Variants in C11orf24 observed in about 807,000 individuals in gnomAD.
The protein encoded by C11orf24 is chromosome 11 open reading frame 24, also known as uncharacterized protein C11orf24.
In C11orf24, 5 loss-of-function variants were observed where a neutral mutation model predicts 7.3. That is an observed-to-expected ratio of 0.69 (90% CI 0.36 to 1.45). The LOEUF is 1.45. C11orf24 is among the 40% of genes most tolerant of loss of function. C11orf24 has a pLI of 0.03. For synonymous variants in C11orf24, 233 were observed against 235.7 expected (o/e 0.99, Z 0.11); for missense variants, 566 against 590.5 (o/e 0.96, Z 0.43).
Position 68,262,252 on chromosome 11 carries a change from G to A in C11orf24, c.743C>T (p.Pro248Leu). 1 of 1,613,360 alleles carries A rather than the reference G, an allele frequency of 6.2e-7. No individual in the cohort carries two copies. Among genetic ancestry groups the A allele is most frequent in the Non-Finnish European group, 8.5e-7 (1 of 1,179,364 alleles). The change falls in exon 4 of 4, where the codon CCT becomes CTT. Residue 248 changes from proline to leucine, a missense_variant. Coordinates refer to ENST00000304271, the MANE Select transcript of C11orf24 (RefSeq NM_022338.4). ...GGGACCTTGTGCTTGGGGACGCATA[G>A]GGGGTACAGGGCTTGCCGCGGTGTC... ...PSDTAASPVP[P>L]MRPQAQGPIS...
intron 3 of C11orf24, 50 bp downstream of exon 3, chr11:68,263,642 T>G: frequency 6.4e-7 from 1 of 1,552,802 alleles, no homozygotes; most frequent in Non-Finnish European, 8.9e-7. Flanking sequence ...CTCAGCATGC[T>G]TTGTGGCCAC....
chr11:68,262,991 G>C, intron 3 of C11orf24, 73 bp from the exon 4 acceptor site: 1 of 1,460,286 alleles, frequency 6.8e-7, no homozygotes, highest in South Asian at 1.3e-5. Flanking sequence ...CTCAGGGATC[G>C]GCTTCCACCC....
intron 1 of C11orf24, among the ~76,000 whole-genome samples, chr11:68,271,302 G>A (rs1027235475): frequency 3.9e-5 from 6 of 152,112 alleles, no homozygotes; most frequent in African/African-American, 7.2e-5. Flanking sequence ...GCAGCCACAC[G>A]GGGGCTACTA....
chr11:68,261,631 G>C lies in C11orf24; in HGVS notation c.*14C>G. On this transcript the variant is annotated 3_prime_UTR_variant, in exon 4 of 4. Transcript: ENST00000304271. Reference sequence around the variant, plus strand: ...GAGGAAGGGGCCAGGCCTCCCGCCAGGCCCCCGCCCCCCTCACATTTCTGA... The same window carrying C: ...GAGGAAGGGGCCAGGCCTCCCGCCACGCCCCCGCCCCCCTCACATTTCTGA... 6.3e-7 allele frequency: 1 copy of C among 1,590,700 alleles called. No homozygotes were observed. Among genetic ancestry groups the C allele is most frequent in the Non-Finnish European group, 8.6e-7 (1 of 1,163,440 alleles).
intron 2 of C11orf24, among the ~76,000 whole-genome samples, chr11:68,265,226 C>T (rs921345729): frequency 2.6e-5 from 4 of 152,072 alleles, no homozygotes; most frequent in African/African-American, 7.2e-5. Context: ...AGCCATGTGG[C>T]AGTTTAGATT....
At position 68,261,785 on chromosome 11, in the gene C11orf24, C is replaced by T. The variant is rs780660238; in HGVS notation, c.1210G>A (p.Val404Met). 1 of 1,614,208 alleles carries T rather than the reference C, an allele frequency of 6.2e-7. No homozygotes were observed. The highest frequency in any genetic ancestry group is 1.3e-5 in the African/African-American group (1 of 75,052). The change falls in exon 4 of 4, where the codon GTG becomes ATG. Residue 404 changes from valine (V) to methionine (M), a missense_variant. By Grantham distance (21) the Val-to-Met change is conservative (BLOSUM62 1). Transcript: ENST00000304271. ...QAVVDKTLLL[V>M]VLLLGVTLFI... ...AGGGTCACCCCGAGTAACAGCACCA[C>T]CAGAAGGAGAGTTTTGTCTACCACG...
At chr11:68,266,531 T>G (rs938894810) in intron 2 of C11orf24, among the ~76,000 whole-genome samples, 3 of 152,190 alleles carry the variant, frequency 2.0e-5, no homozygotes, top group Non-Finnish European at 4.4e-5. Flanking sequence ...CCTAATGTGT[T>G]AGGGGCTTAG....
In C11orf24 at chr11:68,263,804, C is replaced by T. The variant is rs754280617; in HGVS notation, c.-37G>A. 3.0e-5 allele frequency: 47 copies of T among 1,563,476 alleles called. No homozygotes were observed. The highest frequency in any genetic ancestry group is 5.4e-5 in the Admixed American group (3 of 55,766). ...GCTGGGAGCAAGGCTGGGCGGTCCC[C>T]GAGGCTCCCAGCCAGCCAGCTCCTC... On this transcript the variant is annotated 5_prime_UTR_variant, in exon 3 of 4. Coordinates refer to ENST00000304271, the MANE Select transcript of C11orf24 (RefSeq NM_022338.4).
In C11orf24 at chr11:68,263,604, C is replaced by T; in HGVS notation, c.76+88G>A. 3 of 1,294,422 alleles carry T rather than the reference C, an allele frequency of 2.3e-6. No individual in the cohort carries two copies. The East Asian group carries it at 7.1e-5, about 31-fold the overall frequency. The allele number at this position is 1,294,422 out of a possible 1,614,324, so 80.2% of individuals were successfully genotyped here. ...GGGCTGCGGTTCCTGACGCGTTGGC[C>T]TGGGTTTGCAGATGCTGCTTTCAAG... On this transcript the variant is annotated intron_variant, in intron 3 of 3. Transcript: ENST00000304271.
intron 2 of C11orf24, among the ~76,000 whole-genome samples, chr11:68,264,900 G>A (rs2098564244): frequency 1.3e-5 from 2 of 151,810 alleles, no homozygotes; most frequent in Admixed American, 6.6e-5. Context: ...GTGCTGGGAA[G>A]CAAGGAGGAG....
intron 2 of C11orf24, among the ~76,000 whole-genome samples, chr11:68,266,545 A>G (rs1320001489): frequency 6.6e-6 from 1 of 152,150 alleles, no homozygotes; most frequent in Non-Finnish European, 1.5e-5. Context: ...GGCTTAGAAA[A>G]ATTACTTGGC....
At position 68,262,451 on chromosome 11, in the gene C11orf24, C is replaced by T. The variant is rs768451547; in HGVS notation, c.544G>A (p.Ala182Thr). The T allele has an allele frequency of 5.6e-6, 9 of 1,613,970 alleles. No homozygotes were observed. The highest frequency in any genetic ancestry group is 2.2e-5 in the East Asian group (1 of 44,906). ...TSTGRTPSTTATGHPSLSTAL... is the reference protein window; with the variant it reads ...TSTGRTPSTTTTGHPSLSTAL... The stretch of plus-strand genomic sequence containing the variant: ...GTGCTGAGAGATGGATGCCCAGTGG[C>T]GGTAGTGGACGGGGTCCGCCCTGTG... The change falls in exon 4 of 4, where the codon GCC (alanine) becomes ACC (threonine). Residue 182 changes from alanine (A) to threonine (T), a missense_variant. By Grantham distance (58) the Ala-to-Thr change is moderately conservative. Transcript: ENST00000304271.
chr11:68,261,611 AG>A lies in C11orf24; in HGVS notation c.*33del. 6.4e-7 allele frequency: 1 copy of A among 1,558,046 alleles called. No homozygotes were observed. Among genetic ancestry groups the A allele is most frequent in the Non-Finnish European group, 8.7e-7 (1 of 1,148,966 alleles). ...CAAAGGCAAAAGGAAAGGACGAGGAAGGGGCCAGGCCTCCCGCCAGGCCCCC... is the reference window on the plus strand; with the variant it reads ...CAAAGGCAAAAGGAAAGGACGAGGAAGGGCCAGGCCTCCCGCCAGGCCCCC... On this transcript the variant is annotated 3_prime_UTR_variant, in exon 4 of 4. Transcript: ENST00000304271.
chr11:68,263,972 C>G (rs78519410), intron 2 of C11orf24, 106 bp from the exon 3 acceptor site: 2 of 578,072 alleles, frequency 3.5e-6, no homozygotes, highest in Non-Finnish European at 6.1e-6. Flanking sequence ...AAGGTGCAGA[C>G]TGAGCCAAGT....
In C11orf24 at chr11:68,262,234, T is replaced by C; in HGVS notation, c.761A>G (p.Gln254Arg). The change falls in exon 4 of 4, where the codon CAA (glutamine) becomes CGA (arginine). Residue 254 changes from glutamine to arginine, a missense_variant. Physicochemically the swap from Gln to Arg is conservative, Grantham distance 43 (BLOSUM62 1). Transcript: ENST00000304271. ...CACTGACACCTGGCTAATGGGACCTTGTGCTTGGGGACGCATAGGGGGTAC... is the reference window on the plus strand; with the variant it reads ...CACTGACACCTGGCTAATGGGACCTCGTGCTTGGGGACGCATAGGGGGTAC... ...SPVPPMRPQAQGPISQVSVDQ... is the reference protein window; with the variant it reads ...SPVPPMRPQARGPISQVSVDQ... 2 of 1,613,070 alleles carry C rather than the reference T, an allele frequency of 1.2e-6. No homozygotes were observed. Among genetic ancestry groups the C allele is most frequent in the Non-Finnish European group, 1.7e-6 (2 of 1,179,164 alleles).
intron 2 of C11orf24, among the ~76,000 whole-genome samples, chr11:68,265,249 G>A (rs1407547425): frequency 6.6e-6 from 1 of 152,194 alleles, no homozygotes; most frequent in Non-Finnish European, 1.5e-5. Flanking sequence ...ACAGTAGGGG[G>A]ATGCGAGTCC....
intron 2 of C11orf24, among the ~76,000 whole-genome samples, chr11:68,264,081 T>C (rs992496185): frequency 6.6e-6 from 1 of 152,164 alleles, no homozygotes. Flanking sequence ...CCGATTTCAC[T>C]ATGAATCTCA....
Position 68,262,528 on chromosome 11 carries a change from G to A in C11orf24, c.467C>T (p.Ala156Val), listed in dbSNP as rs555005408. 75 of 1,612,368 alleles carry A rather than the reference G, an allele frequency of 4.7e-5. No individual in the cohort carries two copies. Among genetic ancestry groups the A allele is most frequent in the Admixed American group, 4.2e-4 (25 of 59,912 alleles). The change falls in exon 4 of 4, where the codon GCG (alanine) becomes GTG (valine). Residue 156 changes from alanine (A) to valine (V), a missense_variant. Transcript: ENST00000304271. ...AAGTGTCATGGGAGTGCTGGAGGCC[G>A]CAGTCATACTGGAGGCTGCAGTCGT... ...APTTAASSMTAASSTPMTLAL... is the reference protein window; with the variant it reads ...APTTAASSMTVASSTPMTLAL...
At chr11:68,271,651 T>A (rs879234999) in intron 1 of C11orf24, 3 of 152,966 alleles carry the variant, frequency 2.0e-5, no homozygotes, top group African/African-American at 7.2e-5. Context: ...AGTACCTGCA[T>A]TGCTCAGCGT....
Sources: gnomAD v4.1 joint callset for allele counts (sites outside exome capture counted in the v4.1 genomes callset) on GRCh38, gnomAD v4.1.1 for gene constraint, MANE v1.5 for transcripts, NCBI Gene and HGNC (gene_info 2026-07-23, HGNC 2026-07-21) for gene names.